FAM81A: variants seen among roughly 807,000 people sequenced by gnomAD.
FAM81A encodes family with sequence similarity 81 member A.
Under a neutral mutation model 46.7 loss-of-function variants are expected in FAM81A, and 19 were observed. The ratio of observed to expected loss-of-function variants is 0.41; its 90% CI spans 0.28 to 0.60. The LOEUF is 0.60. FAM81A is among the 20% of genes least tolerant of loss of function. The probability of loss-of-function intolerance (pLI) is 0.34; values close to 1 mark genes in which losing one functional copy is unlikely to be tolerated. For missense variants in FAM81A, 377 were observed against 453.5 expected (o/e 0.83, Z 1.53); for synonymous variants, 183 against 152.9 (o/e 1.20, Z -1.45).
At chr15:59,405,999 C>A (rs970729499) in intron 2 of FAM81A, among the ~76,000 whole-genome samples, 22 of 152,194 alleles carry the variant, frequency 1.4e-4, no homozygotes, top group Non-Finnish European at 2.8e-4. Flanking sequence ...ATAACAAATA[C>A]TATTCCTTTT....
At chr15:59,436,858 C>CG (rs2081246687), upstream of FAM81A, among the ~76,000 whole-genome samples, 1 of 152,220 alleles carries the variant, frequency 6.6e-6, no homozygotes, top group South Asian at 2.1e-4. Context: ...CTGGTCACAA[C>CG]GGCAGTGTTA....
intron 2 of FAM81A, among the ~76,000 whole-genome samples, chr15:59,416,480 G>A (rs2081147175): frequency 6.6e-6 from 1 of 152,196 alleles, no homozygotes. Flanking sequence ...AAAGCCCTCT[G>A]GCAGAGAAGC....
chr15:59,482,881 C>G (rs904048243), intron 3 of FAM81A, among the ~76,000 whole-genome samples: 1 of 152,092 alleles, frequency 6.6e-6, no homozygotes. Flanking sequence ...TAGTCAGATG[C>G]GAAGTTGTCT....
chr15:59,468,271 T>G (rs931160679), intron 3 of FAM81A, among the ~76,000 whole-genome samples: 1 of 152,208 alleles, frequency 6.6e-6, no homozygotes, highest in African/African-American at 2.4e-5. Flanking sequence ...TGGAATAGTT[T>G]CAGAAGGAAT....
intron 3 of FAM81A, among the ~76,000 whole-genome samples, chr15:59,471,940 G>A (rs1171283984): frequency 1.3e-5 from 2 of 152,218 alleles, no homozygotes; most frequent in African/African-American, 4.8e-5. Flanking sequence ...TAAAGAAAAT[G>A]ACTGTGTATT....
intron 2 of FAM81A, chr15:59,409,078 T>C (rs552259151): frequency 6.6e-6 from 1 of 152,298 alleles, no homozygotes; most frequent in South Asian, 2.1e-4. Flanking sequence ...CCTGAAGTGA[T>C]TCAGCTCATC....
chr15:59,457,407 T>G (rs767240507), intron 1 of FAM81A, among the ~76,000 whole-genome samples: 15 of 152,222 alleles, frequency 9.9e-5, no homozygotes, highest in Non-Finnish European at 1.9e-4. Flanking sequence ...CTTATTTTAC[T>G]TCATAATAGC....
chr15:59,450,119 T>TTTA (rs1555428473), intron 1 of FAM81A, among the ~76,000 whole-genome samples: 3 of 149,154 alleles, frequency 2.0e-5, no homozygotes, highest in African/African-American at 7.4e-5. Context: ...TTTTTTTTTT[T>TTTA]AATGTAAATG....
chr15:59,440,696 G>T lies in FAM81A; in HGVS notation c.-78+2414G>T, dbSNP rs533230811. 1.4e-4 allele frequency among the ~76,000 whole-genome samples: 22 copies of T among 152,256 alleles called. No homozygotes were observed. In the South Asian group the frequency reaches 4.6e-3, roughly 32 times the overall value. ...CTGATACTACCCACATACTGCTCTG[G>T]ATTTTAACCATCGCTGAGGACCCTG... On this transcript the variant is annotated intron_variant, in intron 1 of 8. Transcript: ENST00000288228.
chr15:59,473,413 A>C (rs2081723012), intron 3 of FAM81A, among the ~76,000 whole-genome samples: 1 of 152,198 alleles, frequency 6.6e-6, no homozygotes, highest in East Asian at 1.9e-4. Context: ...AGATCAAAAA[A>C]ACATAGTATA....
intron 1 of FAM81A, among the ~76,000 whole-genome samples, chr15:59,453,453 C>T (rs1237109614): frequency 6.6e-6 from 1 of 152,162 alleles, no homozygotes; most frequent in African/African-American, 2.4e-5. Context: ...CGTTACGTTA[C>T]GTGTGAGCAG....
intron 8 of FAM81A, among the ~76,000 whole-genome samples, chr15:59,520,650 G>A (rs778718899): frequency 2.0e-5 from 3 of 149,328 alleles, no homozygotes; most frequent in Non-Finnish European, 4.4e-5. Flanking sequence ...TGCAACGTCC[G>A]CTTCCTGGGT....
At chr15:59,464,408 T>C (rs2081588452) in intron 3 of FAM81A, among the ~76,000 whole-genome samples, 1 of 152,256 alleles carries the variant, frequency 6.6e-6, no homozygotes, top group Non-Finnish European at 1.5e-5. Flanking sequence ...TTCTCCATAG[T>C]GGCTGTACTA....
chr15:59,399,735 T>G (rs985760031), intron 1 of FAM81A, among the ~76,000 whole-genome samples: 1 of 152,146 alleles, frequency 6.6e-6, no homozygotes, highest in Non-Finnish European at 1.5e-5. Context: ...TGGCCAGTCC[T>G]CATTCTCAGG....
At chr15:59,430,960 C>G (rs2081217220) in intron 2 of FAM81A, among the ~76,000 whole-genome samples, 1 of 152,036 alleles carries the variant, frequency 6.6e-6, no homozygotes, top group Admixed American at 6.6e-5. Context: ...CTGACTGAGT[C>G]TTGGGGGACA....
upstream of FAM81A, among the ~76,000 whole-genome samples, chr15:59,435,883 G>A (rs575239437): frequency 4.6e-5 from 7 of 152,216 alleles, no homozygotes; most frequent in South Asian, 8.3e-4. Context: ...TGGATATTTC[G>A]TTGCAATTTA....
chr15:59,483,141 A>G (rs949840291), intron 3 of FAM81A, among the ~76,000 whole-genome samples: 2 of 151,964 alleles, frequency 1.3e-5, no homozygotes, highest in Admixed American at 6.6e-5. Flanking sequence ...GGGTTCAAGC[A>G]ATTCTTCTGC....
In FAM81A at chr15:59,413,417, A is replaced by AACACACACACACACACACAC. The variant is rs535000983; in HGVS notation, c.-78+11085_-78+11104dup. Among the ~76,000 whole-genome samples the AACACACACACACACACACAC allele has an allele frequency of 1.4e-4, 19 of 134,416 alleles. 1 individual carries two copies. The highest frequency in any genetic ancestry group is 1.4e-3 in the Admixed American group (18 of 13,014). 88.2% of individuals were successfully genotyped at this position (134,416 alleles called of 152,430 possible). On this transcript the variant is annotated intron_variant, in intron 2 of 4. Transcript: ENST00000558348. ...CCTCAAAACTGGGTTGAGAGCATTAAACACACACACACACACACACACACA... is the reference window on the plus strand; with the variant it reads ...CCTCAAAACTGGGTTGAGAGCATTAAACACACACACACACACACACACACACACACACACACACACACACA...
At chr15:59,462,868 C>T (rs10851658) in intron 3 of FAM81A, among the ~76,000 whole-genome samples, 118,719 of 152,122 alleles carry the variant, frequency 0.78, 46,561 homozygotes, top group East Asian at 0.85. Context: ...GGTTATTTGT[C>T]ATATTATTGA....
Sources: allele counts gnomAD v4.1 joint callset (sites outside exome capture counted in the v4.1 genomes callset), GRCh38; gene constraint gnomAD v4.1.1; transcripts MANE v1.5; gene names NCBI Gene and HGNC (gene_info 2026-07-23, HGNC 2026-07-21).